Variants in ENTPD5 observed in about 807,000 individuals in gnomAD.
The protein encoded by ENTPD5 is ectonucleoside triphosphate diphosphohydrolase 5 (inactive), also known as nucleoside diphosphate phosphatase ENTPD5.
Under a neutral mutation model 60.2 loss-of-function variants are expected in ENTPD5, and 49 were observed. The observed-to-expected ratio is 0.81, with a 90% CI of 0.65 to 1.03. ENTPD5 has a LOEUF of 1.03. ENTPD5 is among the 50% of genes least tolerant of loss of function. The pLI is 0.00. For synonymous variants in ENTPD5, 187 were observed against 185.4 expected (o/e 1.01, Z -0.07); for missense variants, 480 against 507.6 (o/e 0.95, Z 0.52).
At chr14:73,996,953 T>A (rs1337484347) in intron 3 of ENTPD5, among the ~76,000 whole-genome samples, 1 of 151,838 alleles carries the variant, frequency 6.6e-6, no homozygotes, top group African/African-American at 2.4e-5. Flanking sequence ...AAAAACAAAC[T>A]AACAAAACCC....
chr14:73,973,912 C>T lies in ENTPD5; in HGVS notation c.851G>A (p.Gly284Glu). ...PRWLEAEWIF[G>E]GVKYQYGGNQ... ...GCCACCATACTGGTATTTCACACCC[C>T]CAAAGATCCACTCTGCTTCCAACCA... Residue 284 changes from glycine (G) to glutamate (E), a missense_variant, in exon 12 of 16, where the codon GGG (glycine) becomes GAG (glutamate). Coordinates refer to ENST00000334696, the MANE Select transcript of ENTPD5 (RefSeq NM_001249.5). 2.5e-6 allele frequency: 4 copies of T among 1,614,110 alleles called. No individual in the cohort carries two copies. Among genetic ancestry groups the T allele is most frequent in the Non-Finnish European group, 3.4e-6 (4 of 1,180,000 alleles).
At chr14:74,019,153 G>A (rs1277702906) in intron 1 of ENTPD5, 97 bp downstream of exon 1, 1 of 153,112 alleles carries the variant, frequency 6.5e-6, no homozygotes, top group Non-Finnish European at 1.5e-5. Flanking sequence ...GCCGCAGGAC[G>A]AAGCGCTACC....
chr14:74,007,963 T>G (rs1313241654), intron 3 of ENTPD5, among the ~76,000 whole-genome samples: 1 of 151,096 alleles, frequency 6.6e-6, no homozygotes, highest in East Asian at 2.0e-4. Flanking sequence ...CTCCAGAAGC[T>G]GGGATTATAG....
chr14:74,016,220 T>C (rs1243508355), intron 1 of ENTPD5, among the ~76,000 whole-genome samples: 1 of 152,238 alleles, frequency 6.6e-6, no homozygotes, highest in East Asian at 1.9e-4. Context: ...TTCAGAAGAA[T>C]GTAGACTCTA....
intron 3 of ENTPD5, among the ~76,000 whole-genome samples, chr14:73,994,856 T>A (rs1475920123): frequency 6.6e-6 from 1 of 152,068 alleles, no homozygotes; most frequent in African/African-American, 2.4e-5. Context: ...CAGTGAGACC[T>A]TCCTTGTCTA....
chr14:73,961,138 T>G, downstream of ENTPD5: 1 of 1,606,374 alleles, frequency 6.2e-7, no homozygotes, highest in Non-Finnish European at 8.5e-7. Flanking sequence ...CTACTCACAT[T>G]TCACCTTGTT....
intron 11 of ENTPD5, 83 bp from the exon 12 acceptor site, chr14:73,974,061 A>G (rs2057339546): frequency 9.2e-7 from 1 of 1,092,068 alleles, no homozygotes; most frequent in Non-Finnish European, 1.4e-6. Flanking sequence ...TGAGGTGGAA[A>G]AGAATCACCA....
At chr14:74,008,641 C>A (rs757720894) in intron 3 of ENTPD5, among the ~76,000 whole-genome samples, 1 of 152,054 alleles carries the variant, frequency 6.6e-6, no homozygotes, top group Non-Finnish European at 1.5e-5. Context: ...ATGATCCACC[C>A]GCCTCGGCCT....
chr14:73,990,387 T>TGGAGA (rs1186765066), intron 3 of ENTPD5, among the ~76,000 whole-genome samples: 3 of 151,564 alleles, frequency 2.0e-5, no homozygotes, highest in Non-Finnish European at 4.4e-5. Flanking sequence ...CCGGCTGGAG[T>TGGAGA]GCAGTGGCAC....
chr14:74,005,827 A>C lies in ENTPD5; in HGVS notation c.-71+5264T>G, dbSNP rs188820914. On this transcript the variant is annotated intron_variant, in intron 3 of 15. Coordinates refer to ENST00000334696, the MANE Select transcript of ENTPD5 (RefSeq NM_001249.5). The stretch of plus-strand genomic sequence containing the variant: ...ATTTCAAAAAAATAAATAAAAAACA[A>C]AACAAATAAACAAACAAAATGAACA... 3.2e-4 allele frequency among the ~76,000 whole-genome samples: 49 copies of C among 152,152 alleles called. No individual in the cohort carries two copies. The East Asian group carries it at 8.1e-3, about 25-fold the overall frequency.
chr14:73,975,655 C>T (rs916076185), intron 10 of ENTPD5, among the ~76,000 whole-genome samples: 3 of 152,088 alleles, frequency 2.0e-5, no homozygotes, highest in Non-Finnish European at 4.4e-5. Context: ...CCACCCACCT[C>T]GGCCTCCCAA....
intron 3 of ENTPD5, among the ~76,000 whole-genome samples, chr14:73,999,690 G>A (rs1347753681): frequency 1.3e-5 from 2 of 151,720 alleles, no homozygotes; most frequent in African/African-American, 4.8e-5. Flanking sequence ...TACTCAGGAG[G>A]GTGAGGCAGG....
intron 10 of ENTPD5, 55 bp from the exon 11 acceptor site, chr14:73,975,040 A>G (rs2057383216): frequency 4.6e-6 from 6 of 1,316,536 alleles, no homozygotes; most frequent in Non-Finnish European, 6.5e-6. Flanking sequence ...CTCTAGCCTA[A>G]AGCTACCTCT....
downstream of ENTPD5, chr14:73,961,869 G>A (rs1350331121): frequency 6.2e-7 from 1 of 1,614,058 alleles, no homozygotes; most frequent in African/African-American, 1.3e-5. Flanking sequence ...AGGACGTGGG[G>A]CTTGCAGGCC....
intron 15 of ENTPD5, 93 bp downstream of exon 15, chr14:73,969,917 C>T (rs1304706690): frequency 2.5e-5 from 22 of 892,688 alleles, no homozygotes; most frequent in Middle Eastern, 2.2e-4. Flanking sequence ...CATAATTTCA[C>T]TTCTAGCTAC....
chr14:73,993,280 T>G (rs898233755), intron 3 of ENTPD5, among the ~76,000 whole-genome samples: 1 of 152,170 alleles, frequency 6.6e-6, no homozygotes, highest in Non-Finnish European at 1.5e-5. Flanking sequence ...TGAGGTTCAG[T>G]GAGCTGTGAC....
intron 3 of ENTPD5, among the ~76,000 whole-genome samples, chr14:73,998,776 A>C (rs1033795382): frequency 2.0e-5 from 3 of 152,130 alleles, no homozygotes; most frequent in Non-Finnish European, 4.4e-5. Context: ...AAAACCATGA[A>C]TCAAGACACG....
At chr14:73,981,458 C>T (rs2057686661) in intron 6 of ENTPD5, among the ~76,000 whole-genome samples, 1 of 150,986 alleles carries the variant, frequency 6.6e-6, no homozygotes, top group African/African-American at 2.4e-5. Context: ...AACATTGTGC[C>T]ACTGCACTCC....
downstream of ENTPD5, chr14:73,961,801 T>C: frequency 6.2e-7 from 1 of 1,614,214 alleles, no homozygotes; most frequent in Non-Finnish European, 8.5e-7. Flanking sequence ...CTCTTCTGGC[T>C]GCTACAGACT....
Sources: gnomAD v4.1 joint callset for allele counts (sites outside exome capture counted in the v4.1 genomes callset) on GRCh38, gnomAD v4.1.1 for gene constraint, MANE v1.5 for transcripts, NCBI Gene and HGNC (gene_info 2026-07-23, HGNC 2026-07-21) for gene names.